Variants in ANPEP observed in about 807,000 individuals in gnomAD.
The protein encoded by ANPEP is alanyl aminopeptidase, membrane.
Under a neutral mutation model 114.6 loss-of-function variants are expected in ANPEP, and 70 were observed. That is an observed-to-expected ratio of 0.61 (90% confidence interval 0.50 to 0.75). The LOEUF (loss-of-function observed/expected upper bound fraction) is 0.75, where lower values mean the gene tolerates loss of function less well. Ranked by LOEUF, ANPEP falls within the 30% of genes least tolerant of loss-of-function variation. The probability of loss-of-function intolerance (pLI) is 0.00; values close to 1 mark genes in which losing one functional copy is unlikely to be tolerated. For missense variants in ANPEP, 1,184 were observed against 1,259.5 expected (o/e 0.94, Z 0.91); for synonymous variants, 548 against 522.3 (o/e 1.05, Z -0.67).
chr15:89,808,989 A>G (rs1281911177), intron 1 of ANPEP, among the ~76,000 whole-genome samples: 1 of 152,118 alleles, frequency 6.6e-6, no homozygotes, highest in East Asian at 1.9e-4. Context: ...GCATTTCCCC[A>G]AGGGGCCTTG....
chr15:89,796,960 G>T (rs981350695), intron 15 of ANPEP, among the ~76,000 whole-genome samples: 1 of 152,194 alleles, frequency 6.6e-6, no homozygotes, highest in Admixed American at 6.5e-5. Flanking sequence ...AACTGCTGCA[G>T]TGAGCATCCT....
intron 18 of ANPEP, 141 bp from the exon 19 acceptor site, chr15:89,791,234 C>A: frequency 1.1e-6 from 1 of 925,628 alleles, no homozygotes; most frequent in East Asian, 2.5e-5. Context: ...CCCCTTGGTC[C>A]TTCTTCCCTC....
At chr15:89,797,416 A>G in intron 15 of ANPEP, 159 bp downstream of exon 15, 1 of 1,105,794 alleles carries the variant, frequency 9.0e-7, no homozygotes, top group Non-Finnish European at 1.3e-6. Context: ...TCAGGAGAGA[A>G]CCTGACAAGG....
At chr15:89,792,995 G>T in intron 16 of ANPEP, 40 bp downstream of exon 16, 1 of 1,548,488 alleles carries the variant, frequency 6.5e-7, no homozygotes, top group South Asian at 1.1e-5. Context: ...GACTCCCCGG[G>T]GTGCCCAGGA....
rs2141802019 is a variant in ANPEP, at chr15:89,799,531, G to A, written c.1848C>T (p.Gly616=). 1 of 1,614,222 alleles carries A rather than the reference G, an allele frequency of 6.2e-7. No homozygotes were observed. The highest frequency in any genetic ancestry group is 8.5e-7 in the Non-Finnish European group (1 of 1,180,042). Residue 616 remains glycine, a synonymous_variant, in exon 13 of 21, where the codon GGC becomes GGT. Coordinates refer to ENST00000300060, the MANE Select transcript of ANPEP (RefSeq NM_001150.3). The surrounding 1 kb of genome is among the most constrained non-coding windows in gnomAD (Gnocchi z 4.2). ...RAQNDLFSTS[G]NEWVLLNLNV... is the part of the protein sequence containing the mutation. Reference sequence around the variant, plus strand: ...TGAGGTTCAGCAGGACCCACTCATTGCCTGATGTGCTGAAGAGATCGTTCT... The same window carrying A: ...TGAGGTTCAGCAGGACCCACTCATTACCTGATGTGCTGAAGAGATCGTTCT...
rs746330058 is a variant in ANPEP at position 89,792,276 on chromosome 15, G to C, written c.2412C>G (p.Gly804=). 1 of 1,614,210 alleles carries C rather than the reference G, an allele frequency of 6.2e-7. No homozygotes were observed. The highest frequency in any genetic ancestry group is 1.1e-5 in the South Asian group (1 of 91,084). Residue 804 remains glycine, a synonymous_variant, in exon 18 of 21, where the codon GGC becomes GGG. Coordinates refer to ENST00000300060, the MANE Select transcript of ANPEP (RefSeq NM_001150.3). The part of the protein sequence containing the change: ...STVYCNAIAQ[G]GEEEWDFAWE... ...AGGCGAAGTCCCACTCCTCCTCCCCGCCCTGGGCGATAGCGTTGCAGTAGA... is the reference window on the plus strand; with the variant it reads ...AGGCGAAGTCCCACTCCTCCTCCCCCCCCTGGGCGATAGCGTTGCAGTAGA...
In ANPEP at chr15:89,807,563, G is replaced by A. The variant is rs562144618; in HGVS notation, c.-223-757C>T. Among the ~76,000 whole-genome samples, 14 of 152,264 alleles carry A rather than the reference G, an allele frequency of 9.2e-5. No homozygotes were observed. In the South Asian group the frequency reaches 1.9e-3, roughly 20 times the overall value. On this transcript the variant is annotated intron_variant, in intron 1 of 20. Transcript: ENST00000300060. ...AAAATACAAAAAAAATTAGTTGGGC[G>A]TGGTGGCGGGCGTCTGTAATCCCAG...
chr15:89,803,878 A>T lies in ANPEP; in HGVS notation c.1293+11T>A. 5.0e-6 allele frequency: 8 copies of T among 1,614,152 alleles called. No homozygotes were observed. Among genetic ancestry groups the T allele is most frequent in the Non-Finnish European group, 6.8e-6 (8 of 1,179,990 alleles). On this transcript the variant is annotated intron_variant, in intron 7 of 20. Coordinates refer to ENST00000300060, the MANE Select transcript of ANPEP (RefSeq NM_001150.3). The surrounding 1 kb of genome is among the most constrained non-coding windows in gnomAD (Gnocchi z 4.2). ...TGCCCCCCGCACCAGACCCCTGGGC[A>T]GCTGGCTTACCAAGTTCCAGGTGGG...
intron 1 of ANPEP, among the ~76,000 whole-genome samples, chr15:89,814,348 C>G (rs959580565): frequency 2.0e-5 from 3 of 152,298 alleles, no homozygotes; most frequent in Admixed American, 2.0e-4. Flanking sequence ...ACCCCACAGG[C>G]GGGCCGGGTT....
chr15:89,796,965 C>T (rs928566245), intron 15 of ANPEP, among the ~76,000 whole-genome samples: 1 of 152,212 alleles, frequency 6.6e-6, no homozygotes. Flanking sequence ...CTGCAGTGAG[C>T]ATCCTATGGA....
chr15:89,812,284 G>A (rs1397132742), intron 1 of ANPEP, among the ~76,000 whole-genome samples: 1 of 152,264 alleles, frequency 6.6e-6, no homozygotes, highest in East Asian at 1.9e-4. Context: ...GAGACTGGGA[G>A]CTCAGGGACA....
At chr15:89,798,256 T>G (rs930779940) in intron 14 of ANPEP, among the ~76,000 whole-genome samples, 1 of 152,206 alleles carries the variant, frequency 6.6e-6, no homozygotes, top group African/African-American at 2.4e-5. Context: ...AATAAGTACC[T>G]GTTTATCCAT....
intron 1 of ANPEP, among the ~76,000 whole-genome samples, chr15:89,810,343 T>C (rs1055000237): frequency 5.9e-5 from 9 of 152,010 alleles, no homozygotes; most frequent in Admixed American, 5.9e-4. Flanking sequence ...TGTGCCACTG[T>C]ACTCCAGCCT....
In ANPEP at chr15:89,792,337, G is replaced by C; in HGVS notation, c.2361-10C>G. 6.2e-7 allele frequency: 1 copy of C among 1,614,036 alleles called. No individual in the cohort carries two copies. Among genetic ancestry groups the C allele is most frequent in the Non-Finnish European group, 8.5e-7 (1 of 1,179,910 alleles). On this transcript the variant is annotated splice_polypyrimidine_tract_variant and intron_variant, in intron 17 of 20. Coordinates refer to ENST00000300060, the MANE Select transcript of ANPEP (RefSeq NM_001150.3). ...CAGGTTGGGGTGGATCCTGGTGTGG[G>C]GTAGGGAGGTCAGGTGTGGAACAGC...
At chr15:89,804,996 C>G in intron 4 of ANPEP, 82 bp downstream of exon 4, 1 of 1,580,294 alleles carries the variant, frequency 6.3e-7, no homozygotes, top group South Asian at 1.1e-5. Flanking sequence ...AATTCAGAAA[C>G]TGGCACAGGG....
chr15:89,801,425 A>G lies in ANPEP; in HGVS notation c.1742+10T>C, dbSNP rs1324514157. ...CACCTGACCATGCCTCAGTGACCCC[A>G]TCTGCTCACTTGAATTCTGAGGGGC... On this transcript the variant is annotated intron_variant, in intron 11 of 20. Transcript: ENST00000300060. 6.2e-7 allele frequency: 1 copy of G among 1,613,636 alleles called. No homozygotes were observed. The highest frequency in any genetic ancestry group is 1.3e-5 in the African/African-American group (1 of 74,910).
rs778940094 is a variant in ANPEP, at chr15:89,801,437, G to A, written c.1740C>T (p.Phe580=). The A allele has an allele frequency of 1.2e-6, 2 of 1,614,082 alleles. No homozygotes were observed. Among genetic ancestry groups the A allele is most frequent in the South Asian group, 2.2e-5 (2 of 91,070 alleles). Residue 580 remains phenylalanine, a splice_region_variant and synonymous_variant, in exon 11 of 21, where the codon TTC becomes TTT. Coordinates refer to ENST00000300060, the MANE Select transcript of ANPEP (RefSeq NM_001150.3). ...PDSNVTRPSE[F]NYVWIVPITS... ...CCTCAGTGACCCCATCTGCTCACTTGAATTCTGAGGGGCGGGTAACATTGG... is the reference window on the plus strand; with the variant it reads ...CCTCAGTGACCCCATCTGCTCACTTAAATTCTGAGGGGCGGGTAACATTGG...
In ANPEP at chr15:89,785,090, C is replaced by T. The variant is rs1968481466; in HGVS notation, c.*259G>A. Reference sequence around the variant, plus strand: ...AGCTGGGCTTCCCTGAGATCAGCCCCAGGGCACTGGGCGACAGGTGCCATG... The same window carrying T: ...AGCTGGGCTTCCCTGAGATCAGCCCTAGGGCACTGGGCGACAGGTGCCATG... On this transcript the variant is annotated 3_prime_UTR_variant, in exon 21 of 21. Transcript: ENST00000300060. 2.2e-6 allele frequency: 1 copy of T among 462,876 alleles called. No homozygotes were observed. Among genetic ancestry groups the T allele is most frequent in the Admixed American group, 3.4e-5 (1 of 29,216 alleles). 28.7% of individuals were successfully genotyped at this position (462,876 alleles called of 1,614,324 possible).
At chr15:89,790,070 A>T (rs914045435) in intron 20 of ANPEP, among the ~76,000 whole-genome samples, 1 of 70,424 alleles carries the variant, frequency 1.4e-5, no homozygotes, top group Non-Finnish European at 3.1e-5. Context: ...AAAAAAAAAT[A>T]AAAAATAAAA....
Sources: allele counts gnomAD v4.1 joint callset (sites outside exome capture counted in the v4.1 genomes callset), GRCh38; gene constraint gnomAD v4.1.1; non-coding constraint Gnocchi (gnomAD v3.1); transcripts MANE v1.5; gene names NCBI Gene and HGNC (gene_info 2026-07-23, HGNC 2026-07-21).